NEK10: variants seen among roughly 807,000 people sequenced by gnomAD.
The protein encoded by NEK10 is NIMA related kinase 10, also known as serine/threonine-protein kinase Nek10.
Under a neutral mutation model 159.8 loss-of-function variants are expected in NEK10, and 122 were observed. That is an observed-to-expected ratio of 0.76 (90% CI 0.66 to 0.89). The LOEUF is 0.89. Among genes scored for constraint, NEK10 ranks in the 40% least tolerant of loss-of-function variants. The pLI, the probability that NEK10 is intolerant of heterozygous loss-of-function variation, is 0.00. For synonymous variants in NEK10, 466 were observed against 457.1 expected (o/e 1.02, Z -0.25); for missense variants, 1,342 against 1,323.1 (o/e 1.01, Z -0.22).
At chr3:27,230,107 CA>C (rs1354445658) in intron 23 of NEK10, among the ~76,000 whole-genome samples, 3 of 151,928 alleles carry the variant, frequency 2.0e-5, no homozygotes, top group Admixed American at 6.6e-5. Flanking sequence ...AGAATTTTAA[CA>C]GAAGTAAGAC....
chr3:27,341,898 G>A (rs1017595541), intron 5 of NEK10, among the ~76,000 whole-genome samples: 1 of 152,168 alleles, frequency 6.6e-6, no homozygotes, highest in Non-Finnish European at 1.5e-5. Context: ...GGGCAAAATT[G>A]AGTAGCATAA....
intron 30 of NEK10, among the ~76,000 whole-genome samples, chr3:27,160,509 A>G (rs889173835): frequency 6.6e-6 from 1 of 152,226 alleles, no homozygotes; most frequent in African/African-American, 2.4e-5. Flanking sequence ...ATGAAAGTAG[A>G]GTAACTCTCA....
intron 26 of NEK10, 33 bp from the exon 27 acceptor site, chr3:27,174,866 T>C: frequency 6.6e-7 from 1 of 1,521,590 alleles, no homozygotes; most frequent in South Asian, 1.3e-5. Flanking sequence ...TCATAGCCTC[T>C]TTCTCTATCC....
intron 35 of NEK10, among the ~76,000 whole-genome samples, chr3:27,114,697 T>A (rs997237353): frequency 2.0e-5 from 3 of 152,186 alleles, no homozygotes; most frequent in African/African-American, 7.2e-5. Flanking sequence ...TCTGGAATAA[T>A]TTAAATAGTG....
At chr3:27,176,233 A>G (rs1417887120) in intron 26 of NEK10, among the ~76,000 whole-genome samples, 1 of 152,234 alleles carries the variant, frequency 6.6e-6, no homozygotes, top group Non-Finnish European at 1.5e-5. Context: ...GTGATTCTTC[A>G]AAGTTTCACC....
chr3:27,126,871 C>G (rs1186098327), intron 32 of NEK10, among the ~76,000 whole-genome samples: 2 of 152,032 alleles, frequency 1.3e-5, no homozygotes. Flanking sequence ...GGACGCAACC[C>G]CAGTCAGTCT....
In NEK10 at chr3:27,293,596, G is replaced by A. The variant is rs780286432; in HGVS notation, c.1365C>T (p.Leu455=). 2.2e-5 allele frequency: 34 copies of A among 1,540,542 alleles called. No individual in the cohort carries two copies. In the South Asian group the frequency reaches 3.0e-4, roughly 13 times the overall value. ...TTTCTCTAACCTCATACCTTTTAAA[G>A]AGTGGTCTGTTTCTTTCCATACTGA... ...FLFSMERNRP[L]FKRLFPTDLF... The change falls in exon 16 of 36, where the codon CTC becomes CTT. Residue 455 remains leucine (L), a synonymous_variant. Coordinates refer to ENST00000691995, the MANE Select transcript of NEK10 (RefSeq NM_001394966.1).
intron 26 of NEK10, among the ~76,000 whole-genome samples, chr3:27,189,903 CA>C (rs1444119864): frequency 6.6e-6 from 1 of 152,108 alleles, no homozygotes; most frequent in Non-Finnish European, 1.5e-5. Flanking sequence ...CCTGAATGCT[CA>C]ATGAGGGCAC....
At chr3:27,199,254 G>GT (rs1949833089) in intron 25 of NEK10, among the ~76,000 whole-genome samples, 1 of 151,960 alleles carries the variant, frequency 6.6e-6, no homozygotes. Context: ...AGGAACTTAA[G>GT]CAAATTTACA....
chr3:27,198,615 A>G (rs1300468481), intron 25 of NEK10, among the ~76,000 whole-genome samples: 2 of 152,132 alleles, frequency 1.3e-5, no homozygotes, highest in Admixed American at 1.3e-4. Context: ...CTCCTTTACA[A>G]AAATCTGAAC....
At chr3:27,352,646 A>G (rs141074653) in intron 2 of NEK10, 121 bp from the exon 3 acceptor site, 10 of 835,238 alleles carry the variant, frequency 1.2e-5, no homozygotes, top group African/African-American at 1.0e-4. Context: ...GAATACACAC[A>G]CTAAACATTT....
At chr3:27,117,581 A>G (rs1300467285) in intron 33 of NEK10, among the ~76,000 whole-genome samples, 1 of 152,194 alleles carries the variant, frequency 6.6e-6, no homozygotes, top group Non-Finnish European at 1.5e-5. Context: ...ATGATCAATG[A>G]TGTTGAGCTT....
At chr3:27,342,314 G>C (rs138809971) in intron 5 of NEK10, among the ~76,000 whole-genome samples, 24 of 152,056 alleles carry the variant, frequency 1.6e-4, no homozygotes, top group African/African-American at 5.5e-4. Flanking sequence ...AGTTAGAAGG[G>C]AAGAAAAAAA....
chr3:27,120,936 T>C (rs529106442), intron 32 of NEK10, among the ~76,000 whole-genome samples: 1 of 152,366 alleles, frequency 6.6e-6, no homozygotes, highest in Non-Finnish European at 1.5e-5. Context: ...ATTTGTACTA[T>C]GCTATAGTAG....
chr3:27,195,414 T>C (rs1179018352), intron 25 of NEK10, among the ~76,000 whole-genome samples: 1 of 152,244 alleles, frequency 6.6e-6, no homozygotes, highest in East Asian at 1.9e-4. Context: ...TTGCATATAA[T>C]TCATGATTGA....
intron 35 of NEK10, 120 bp downstream of exon 35, chr3:27,115,820 A>G (rs902650148): frequency 4.2e-6 from 3 of 710,434 alleles, no homozygotes; most frequent in South Asian, 2.0e-5. Context: ...ATATTTTATA[A>G]AAGTATTTAA....
chr3:27,222,156 T>C (rs1390387336), intron 23 of NEK10, among the ~76,000 whole-genome samples: 1 of 152,140 alleles, frequency 6.6e-6, no homozygotes, highest in Non-Finnish European at 1.5e-5. Flanking sequence ...GTGGATCACC[T>C]GAGGTCAAGA....
At chr3:27,187,007 G>A (rs183673639) in intron 26 of NEK10, among the ~76,000 whole-genome samples, 1 of 152,286 alleles carries the variant, frequency 6.6e-6, no homozygotes, top group Admixed American at 6.5e-5. Context: ...TGCCAAGAAA[G>A]TCACAATCAA....
chr3:27,286,383 G>T lies in NEK10; in HGVS notation c.1789+1315C>A, dbSNP rs529493457. On this transcript the variant is annotated intron_variant, in intron 20 of 35. Coordinates refer to ENST00000691995, the MANE Select transcript of NEK10 (RefSeq NM_001394966.1). ...TTACAAGTGTGAGCCACCGCGCCCA[G>T]CCTTTTTTTTTCTTTCTGAGGCAGA... 3.3e-4 allele frequency among the ~76,000 whole-genome samples: 50 copies of T among 150,046 alleles called. No homozygotes were observed. In the South Asian group the frequency reaches 0.011, roughly 32 times the overall value.
Sources: gnomAD v4.1 joint callset for allele counts (sites outside exome capture counted in the v4.1 genomes callset) on GRCh38, gnomAD v4.1.1 for gene constraint, MANE v1.5 for transcripts, NCBI Gene and HGNC (gene_info 2026-07-23, HGNC 2026-07-21) for gene names.